The following NFYC variants were observed in gnomAD, a reference collection of about 807,000 sequenced individuals.
NFYC encodes the protein nuclear transcription factor Y subunit gamma.
In NFYC, 25 loss-of-function variants were observed where a neutral mutation model predicts 53.1. The ratio of observed to expected loss-of-function variants is 0.47; its 90% CI spans 0.34 to 0.66. The LOEUF (loss-of-function observed/expected upper bound fraction) is 0.66, where lower values mean the gene tolerates loss of function less well. Among genes scored for constraint, NFYC ranks in the 30% least tolerant of loss-of-function variants. The pLI, the probability that NFYC is intolerant of heterozygous loss-of-function variation, is 0.01. For missense variants in NFYC, 260 were observed against 422.7 expected (o/e 0.62, Z 3.38); for synonymous variants, 145 against 152.6 (o/e 0.95, Z 0.37).
intron 7 of NFYC, 83 bp from the exon 8 acceptor site, chr1:40,766,513 C>T (rs1297938105): frequency 1.9e-6 from 2 of 1,040,338 alleles, no homozygotes; most frequent in Non-Finnish European, 2.8e-6. Flanking sequence ...AGGGGGCAAT[C>T]AACATCTCTG....
intron 1 of NFYC, among the ~76,000 whole-genome samples, chr1:40,723,042 C>T (rs904791381): frequency 6.6e-6 from 1 of 152,184 alleles, no homozygotes; most frequent in African/African-American, 2.4e-5. Flanking sequence ...TGATATTCAA[C>T]CCTCAACCTT....
rs558906789 is a variant in NFYC, at chr1:40,694,625, A to G, written c.-9+2758A>G. On this transcript the variant is annotated intron_variant, in intron 1 of 9. Transcript: ENST00000447388. ...GTTTTTAGTAAGACTAGACAAGGTG[A>G]TAAAAATGAGTGTATATGTACACCT... is the stretch of plus-strand genomic sequence containing the variant. Among the ~76,000 whole-genome samples, 17 of 152,348 alleles carry G rather than the reference A, an allele frequency of 1.1e-4. No individual in the cohort carries two copies. In the East Asian group the frequency reaches 3.3e-3, roughly 29 times the overall value.
At chr1:40,762,484 A>G (rs976043946) in intron 6 of NFYC, among the ~76,000 whole-genome samples, 1 of 152,210 alleles carries the variant, frequency 6.6e-6, no homozygotes, top group Non-Finnish European at 1.5e-5. Context: ...GACCCTTTCC[A>G]TTTAATGTTC....
intron 5 of NFYC, among the ~76,000 whole-genome samples, chr1:40,754,677 T>C (rs1050284049): frequency 6.6e-6 from 1 of 152,258 alleles, no homozygotes; most frequent in African/African-American, 2.4e-5. Context: ...AGCTCTGTGA[T>C]GAAATCAGGC....
At chr1:40,739,491 G>A (rs1487535844) in intron 2 of NFYC, among the ~76,000 whole-genome samples, 1 of 152,108 alleles carries the variant, frequency 6.6e-6, no homozygotes, top group Non-Finnish European at 1.5e-5. Context: ...AGCATGTTTA[G>A]CAGCACCCCT....
At chr1:40,747,364 G>T (rs1645669143) in intron 2 of NFYC, among the ~76,000 whole-genome samples, 170 bp from the exon 3 acceptor site, 1 of 151,750 alleles carries the variant, frequency 6.6e-6, no homozygotes, top group Non-Finnish European at 1.5e-5. Context: ...GTTAAGTAAA[G>T]AAGAATTTTG....
In NFYC at chr1:40,747,613, C is replaced by A; in HGVS notation, c.177+8C>A. On this transcript the variant is annotated splice_region_variant and intron_variant, in intron 3 of 9. Coordinates refer to ENST00000447388, the MANE Select transcript of NFYC (RefSeq NM_014223.5). ...CTGGATGAAGATGTGAAGGTGAATT[C>A]ACATTCATTTTTATTATTTCTTATT... 2 of 1,590,552 alleles carry A rather than the reference C, an allele frequency of 1.3e-6. No homozygotes were observed. Among genetic ancestry groups the A allele is most frequent in the Non-Finnish European group, 1.7e-6 (2 of 1,159,462 alleles).
chr1:40,753,922 C>T (rs1646060275), intron 5 of NFYC, among the ~76,000 whole-genome samples: 1 of 152,134 alleles, frequency 6.6e-6, no homozygotes, highest in Non-Finnish European at 1.5e-5. Flanking sequence ...CTGCCCCTCT[C>T]CAAAGGTCAC....
At chr1:40,719,605 A>G (rs1418920889) in intron 1 of NFYC, among the ~76,000 whole-genome samples, 2 of 152,198 alleles carry the variant, frequency 1.3e-5, no homozygotes, top group Admixed American at 6.5e-5. Flanking sequence ...TAAGCTTTCT[A>G]CTTTGAAATG....
At chr1:40,718,291 T>G (rs1644211093) in intron 1 of NFYC, among the ~76,000 whole-genome samples, 1 of 152,236 alleles carries the variant, frequency 6.6e-6, no homozygotes, top group Non-Finnish European at 1.5e-5. Flanking sequence ...TCCCCCATTT[T>G]GAGGGTGAGA....
intron 1 of NFYC, among the ~76,000 whole-genome samples, chr1:40,705,551 AAC>A (rs1402001239): frequency 6.6e-6 from 1 of 152,226 alleles, no homozygotes; most frequent in East Asian, 1.9e-4. Context: ...TTCAAATTTT[AAC>A]AGTGTACTCT....
At chr1:40,702,183 C>T (rs1643469131) in intron 1 of NFYC, among the ~76,000 whole-genome samples, 1 of 152,172 alleles carries the variant, frequency 6.6e-6, no homozygotes, top group Admixed American at 6.5e-5. Context: ...ACAAATAATT[C>T]AGAATTTGTC....
At chr1:40,762,836 T>C (rs1646618725) in intron 6 of NFYC, 52 bp from the exon 7 acceptor site, 2 of 1,459,032 alleles carry the variant, frequency 1.4e-6, no homozygotes, top group Non-Finnish European at 1.8e-6. Flanking sequence ...TCGGTAATCC[T>C]GTGGGCTCTG....
chr1:40,729,749 G>A (rs189929768), intron 1 of NFYC, among the ~76,000 whole-genome samples: 1 of 149,766 alleles, frequency 6.7e-6, no homozygotes, highest in Non-Finnish European at 1.5e-5. Flanking sequence ...GATCTCAGCT[G>A]ACTGCAACCT....
chr1:40,731,217 C>T (rs990926489), intron 1 of NFYC, among the ~76,000 whole-genome samples: 2 of 152,190 alleles, frequency 1.3e-5, no homozygotes, highest in Admixed American at 6.5e-5. Context: ...TGCTGTATCC[C>T]AGTATGGAGT....
intron 1 of NFYC, among the ~76,000 whole-genome samples, chr1:40,713,593 C>A (rs1219024127): frequency 6.6e-6 from 1 of 152,186 alleles, no homozygotes; most frequent in Non-Finnish European, 1.5e-5. Flanking sequence ...AGTTTGAATA[C>A]ATCTAAATTA....
intron 5 of NFYC, among the ~76,000 whole-genome samples, chr1:40,756,671 A>C (rs1211367854): frequency 6.6e-6 from 1 of 152,192 alleles, no homozygotes; most frequent in Non-Finnish European, 1.5e-5. Context: ...GAGAGTTTAG[A>C]GACTACTTTT....
chr1:40,753,353 C>CT, intron 5 of NFYC, 107 bp downstream of exon 5: 1 of 717,326 alleles, frequency 1.4e-6, no homozygotes, highest in South Asian at 1.8e-5. Flanking sequence ...ATTCCTTTTG[C>CT]TTCTCGTTTC....
intron 2 of NFYC, 24 bp from the exon 3 acceptor site, chr1:40,747,510 T>C (rs376028367): frequency 3.5e-5 from 54 of 1,563,644 alleles, no homozygotes; most frequent in Non-Finnish European, 4.5e-5. Flanking sequence ...CCACCATTTA[T>C]GCATCTCTTG....
Sources: allele counts gnomAD v4.1 joint callset (sites outside exome capture counted in the v4.1 genomes callset), GRCh38; gene constraint gnomAD v4.1.1; transcripts MANE v1.5; gene names NCBI Gene and HGNC (gene_info 2026-07-23, HGNC 2026-07-21).